SRRM4: variants seen among roughly 807,000 people sequenced by gnomAD.
The protein encoded by SRRM4 is serine/arginine repetitive matrix protein 4.
A neutral mutation model predicts 68.9 loss-of-function variants in SRRM4; 33 were observed. That is an observed-to-expected ratio of 0.48 (90% CI 0.36 to 0.64). SRRM4 has a LOEUF of 0.64. SRRM4 is among the 30% of genes least tolerant of loss of function. SRRM4 has a pLI of 0.00. For synonymous variants in SRRM4, 318 were observed against 318.8 expected (o/e 1.00, Z 0.03); for missense variants, 817 against 827.1 (o/e 0.99, Z 0.15).
At chr12:119,088,730 A>G (rs1173737709) in intron 1 of SRRM4, among the ~76,000 whole-genome samples, 5 of 152,114 alleles carry the variant, frequency 3.3e-5, no homozygotes, top group African/African-American at 1.2e-4. Flanking sequence ...TTAAGCTGAG[A>G]TATGAAGGAT....
intron 2 of SRRM4, among the ~76,000 whole-genome samples, chr12:119,104,216 T>C (rs1954093777): frequency 6.6e-6 from 1 of 152,188 alleles, no homozygotes; most frequent in Non-Finnish European, 1.5e-5. Context: ...GCAGTGAGAC[T>C]AGAGCAGAGG....
chr12:119,104,162 G>T (rs141504508), intron 2 of SRRM4, among the ~76,000 whole-genome samples: 167 of 152,272 alleles, frequency 1.1e-3, no homozygotes, highest in Non-Finnish European at 1.8e-3. Context: ...TAATTCTCAA[G>T]GTCAGGATGA....
In SRRM4 at chr12:119,019,958, C is replaced by CGG. The variant is rs1295772635; in HGVS notation, c.131+37945_131+37946insGG. On this transcript the variant is annotated intron_variant, in intron 1 of 12. Coordinates refer to ENST00000267260, the MANE Select transcript of SRRM4 (RefSeq NM_194286.4). ...GGACAGTTCCCCCCGCTCCCCCCCCCCCCAAAAAAAAATCACACACATGCA... is the reference window on the plus strand; with the variant it reads ...GGACAGTTCCCCCCGCTCCCCCCCCCGGCCCAAAAAAAAATCACACACATGCA... Among the ~76,000 whole-genome samples, 173 of 73,862 alleles carry CGG rather than the reference C, an allele frequency of 2.3e-3. 2 individuals carry two copies. Among genetic ancestry groups the CGG allele is most frequent in the African/African-American group, 6.9e-3 (164 of 23,798 alleles). The allele number at this position is 73,862 out of a possible 152,430, so 48.5% of individuals were successfully genotyped here.
intron 1 of SRRM4, among the ~76,000 whole-genome samples, chr12:119,081,506 A>G (rs1203361431): frequency 6.6e-6 from 1 of 152,194 alleles, no homozygotes; most frequent in Non-Finnish European, 1.5e-5. Flanking sequence ...ACAAGGGGAA[A>G]GGAGCAGGAA....
chr12:119,068,520 G>A lies in SRRM4; in HGVS notation c.132-33716G>A, dbSNP rs142460653. On this transcript the variant is annotated intron_variant, in intron 1 of 12. Transcript: ENST00000267260. ...GGGCAGCTGCAGTGAGGGTGGGGGC[G>A]CCTCATCCAAACTCCACTTTCTTCT... is the stretch of plus-strand genomic sequence containing the variant. Among the ~76,000 whole-genome samples the A allele has an allele frequency of 2.5e-3, 378 of 152,296 alleles. 3 individuals carry two copies. Among genetic ancestry groups the A allele is most frequent in the African/African-American group, 8.6e-3 (359 of 41,576 alleles).
chr12:119,089,216 G>A (rs1024488217), intron 1 of SRRM4, among the ~76,000 whole-genome samples: 5 of 152,184 alleles, frequency 3.3e-5, no homozygotes, highest in South Asian at 2.1e-4. Flanking sequence ...TGTTTTTGCC[G>A]AAACCCACCG....
chr12:119,110,791 CGCCCTGCTTTG>C lies in SRRM4; in HGVS notation c.279-3484_279-3474del, dbSNP rs1310475063. On this transcript the variant is annotated intron_variant, in intron 2 of 12. Transcript: ENST00000267260. The stretch of plus-strand genomic sequence containing the variant: ...GCACTTCCCAGGTGAGGCGATGCCC[CGCCCTGCTTTG>C]GCTCATGCTCCGTGGGCTGCACCCA... Among the ~76,000 whole-genome samples, 3 of 152,150 alleles carry C rather than the reference CGCCCTGCTTTG, an allele frequency of 2.0e-5. No individual in the cohort carries two copies. The East Asian group carries it at 5.8e-4, about 29-fold the overall frequency.
chr12:118,990,373 C>T (rs1243160708), intron 1 of SRRM4, among the ~76,000 whole-genome samples: 1 of 152,148 alleles, frequency 6.6e-6, no homozygotes, highest in African/African-American at 2.4e-5. Context: ...AACAGACACA[C>T]GTAGATGTGA....
chr12:119,024,788 G>T (rs1425536605), intron 1 of SRRM4, among the ~76,000 whole-genome samples: 1 of 152,142 alleles, frequency 6.6e-6, no homozygotes, highest in Non-Finnish European at 1.5e-5. Context: ...CCAGGCTGAT[G>T]CTGGGAGTGA....
chr12:119,053,918 T>C (rs1953760824), intron 1 of SRRM4, among the ~76,000 whole-genome samples: 1 of 152,212 alleles, frequency 6.6e-6, no homozygotes, highest in African/African-American at 2.4e-5. Context: ...TTTTAAAATG[T>C]ACCATTAGGT....
chr12:119,082,186 T>C (rs919518236), intron 1 of SRRM4, among the ~76,000 whole-genome samples: 10 of 152,232 alleles, frequency 6.6e-5, no homozygotes, highest in African/African-American at 2.4e-4. Context: ...AGCAGGGGCC[T>C]CTAAAGGGCT....
At chr12:119,017,396 T>A (rs1190668404) in intron 1 of SRRM4, among the ~76,000 whole-genome samples, 1 of 152,224 alleles carries the variant, frequency 6.6e-6, no homozygotes, top group Admixed American at 6.5e-5. Flanking sequence ...TTTCCTTCTT[T>A]CTGGATATTT....
intron 1 of SRRM4, among the ~76,000 whole-genome samples, chr12:118,986,593 G>A (rs1369874783): frequency 6.6e-6 from 1 of 152,164 alleles, no homozygotes; most frequent in Admixed American, 6.5e-5. Flanking sequence ...AATGCAACTT[G>A]AAAGACGCAC....
chr12:119,138,322 G>A (rs772428189), intron 8 of SRRM4, among the ~76,000 whole-genome samples: 4 of 152,126 alleles, frequency 2.6e-5, no homozygotes, highest in Non-Finnish European at 4.4e-5. Flanking sequence ...TCGGCTCACC[G>A]GTTTTCCAGT....
chr12:119,042,642 A>G (rs750925550), intron 1 of SRRM4, among the ~76,000 whole-genome samples: 126 of 151,298 alleles, frequency 8.3e-4, no homozygotes, highest in Non-Finnish European at 1.5e-3. Context: ...GAGGAGAGGG[A>G]AAGGAAGAGA....
At chr12:119,131,124 T>G (rs1954295303) in intron 8 of SRRM4, among the ~76,000 whole-genome samples, 1 of 152,144 alleles carries the variant, frequency 6.6e-6, no homozygotes, top group Non-Finnish European at 1.5e-5. Flanking sequence ...CAGGAAGACA[T>G]GTTTAAGATA....
chr12:119,002,420 C>T (rs1300090615), intron 1 of SRRM4, among the ~76,000 whole-genome samples: 2 of 152,094 alleles, frequency 1.3e-5, no homozygotes, highest in Non-Finnish European at 2.9e-5. Context: ...ATGGTCCCTC[C>T]ACTCAAGGAA....
At chr12:119,025,097 A>G (rs529505121) in intron 1 of SRRM4, among the ~76,000 whole-genome samples, 36 of 152,164 alleles carry the variant, frequency 2.4e-4, no homozygotes, top group African/African-American at 8.7e-4. Flanking sequence ...GAGACACGTA[A>G]CCCTGGTGGG....
chr12:119,056,831 A>T (rs1463696840), intron 1 of SRRM4, among the ~76,000 whole-genome samples: 2 of 152,058 alleles, frequency 1.3e-5, no homozygotes, highest in African/African-American at 4.8e-5. Flanking sequence ...GCACTTATTT[A>T]TTTAATATCT....
Sources: allele counts gnomAD v4.1 joint callset (sites outside exome capture counted in the v4.1 genomes callset), GRCh38; gene constraint gnomAD v4.1.1; transcripts MANE v1.5; gene names NCBI Gene and HGNC (gene_info 2026-07-23, HGNC 2026-07-21).